LYPD8: variants seen among roughly 807,000 people sequenced by gnomAD.
LYPD8 encodes ly6/PLAUR domain-containing protein 8.
Under a neutral mutation model 1.7 loss-of-function variants are expected in LYPD8, and 8 were observed. The observed-to-expected ratio is 4.58, with a 90% CI of 2.69 to 8.27. The LOEUF (loss-of-function observed/expected upper bound fraction) is 8.27, where lower values mean the gene tolerates loss of function less well. LYPD8 is among the 30% of genes most tolerant of loss of function. LYPD8 has a pLI of 0.00. For missense variants in LYPD8, 112 were observed against 102.3 expected (o/e 1.09, Z -0.41); for synonymous variants, 50 against 43.6 (o/e 1.15, Z -0.58).
In LYPD8 at chr1:248,746,332, G is replaced by A. The variant is rs1012387674; in HGVS notation, c.338-1053C>T. Among the ~76,000 whole-genome samples the A allele has an allele frequency of 2.6e-4, 40 of 152,282 alleles. 1 individual carries two copies. The South Asian group carries it at 7.5e-3, about 28-fold the overall frequency. On this transcript the variant is annotated intron_variant, in intron 5 of 6. Coordinates refer to ENST00000590317, the MANE Select transcript of LYPD8 (RefSeq NM_001085474.2). ...ACTGACCGGAACTAAAGTCCCTCTCGCACAACTTGCAATGTCTGTCTTCAC... is the reference window on the plus strand; with the variant it reads ...ACTGACCGGAACTAAAGTCCCTCTCACACAACTTGCAATGTCTGTCTTCAC...
At chr1:248,751,970 C>T in intron 2 of LYPD8, among the ~76,000 whole-genome samples, 1 of 152,246 alleles carries the variant, frequency 6.6e-6, no homozygotes, top group East Asian at 1.9e-4. Flanking sequence ...CATTAGAATT[C>T]GAAATTAGAA....
intron 2 of LYPD8, among the ~76,000 whole-genome samples, chr1:248,754,000 C>T (rs995913854): frequency 6.8e-6 from 1 of 147,860 alleles, no homozygotes; most frequent in Non-Finnish European, 1.5e-5. Context: ...ATCACATACA[C>T]ACTGCACATA....
intron 6 of LYPD8, among the ~76,000 whole-genome samples, chr1:248,743,155 TA>T (rs562211771): frequency 4.6e-5 from 7 of 151,316 alleles, no homozygotes; most frequent in African/African-American, 1.5e-4. Context: ...AATGTGTATT[TA>T]AAAAAAAACA....
intron 6 of LYPD8, among the ~76,000 whole-genome samples, chr1:248,741,681 CT>C (rs149708729): frequency 2.9e-3 from 437 of 152,300 alleles, no homozygotes; most frequent in Non-Finnish European, 5.4e-3. Context: ...AAATCGATCC[CT>C]TTTATCAGAG....
At chr1:248,752,552 AAC>A (rs1238067820) in intron 2 of LYPD8, among the ~76,000 whole-genome samples, 4 of 138,122 alleles carry the variant, frequency 2.9e-5, no homozygotes, top group East Asian at 2.2e-4. Flanking sequence ...CACAAACACA[AAC>A]ACACCACATC....
At chr1:248,750,400 T>C in intron 4 of LYPD8, 124 bp downstream of exon 4, 1 of 395,682 alleles carries the variant, frequency 2.5e-6, no homozygotes, top group Non-Finnish European at 4.4e-6. Context: ...GTCACCTTTG[T>C]GGCTTCCTCT....
intron 6 of LYPD8, among the ~76,000 whole-genome samples, chr1:248,740,068 A>ACCGC (rs1662561607): frequency 6.6e-6 from 1 of 152,162 alleles, no homozygotes; most frequent in South Asian, 2.1e-4. Context: ...CTAGACTCCC[A>ACCGC]CCGCCACCTG....
intron 2 of LYPD8, among the ~76,000 whole-genome samples, chr1:248,753,956 A>G (rs1662883548): frequency 8.1e-6 from 1 of 123,254 alleles, no homozygotes; most frequent in East Asian, 3.5e-4. Context: ...CACATGTCAC[A>G]CACATCACAT....
chr1:248,739,677 C>T lies in LYPD8; in HGVS notation c.648G>A (p.Val216=), dbSNP rs1035328442. The T allele has an allele frequency of 1.9e-6, 3 of 1,551,688 alleles. No individual in the cohort carries two copies. In the Middle Eastern group the frequency reaches 5.0e-4, roughly 259 times the overall value. The change falls in exon 7 of 7, where the codon GTG becomes GTA. Residue 216 remains valine (V), a synonymous_variant. Coordinates refer to ENST00000590317, the MANE Select transcript of LYPD8 (RefSeq NM_001085474.2). The surrounding 1 kb of genome is among the most constrained non-coding windows in gnomAD (Gnocchi z 4.3). ...PTSAPTTSHN[V]GSKASLYLLA... Reference sequence around the variant, plus strand: ...AGAGGTAGAGGGAAGCTTTGGAGCCCACGTTGTGGGAAGTGGTTGGTGCAG... The same window carrying T: ...AGAGGTAGAGGGAAGCTTTGGAGCCTACGTTGTGGGAAGTGGTTGGTGCAG...
In LYPD8 at chr1:248,739,651, A is replaced by C; in HGVS notation, c.674T>G (p.Leu225Trp). ...CCGAAGAAGGAGGCTGGCAAGGGCC[A>C]AGAGGTAGAGGGAAGCTTTGGAGCC... ...NVGSKASLYL[L>W]ALASLLLRGL... Residue 225 changes from leucine to tryptophan, a missense_variant, in exon 7 of 7, where the codon TTG (leucine) becomes TGG (tryptophan). Physicochemically the swap from Leu to Trp is moderately conservative, Grantham distance 61 (BLOSUM62 -2). Transcript: ENST00000590317. This position sits in a 1 kb window ranked among gnomAD's most constrained non-coding sequence, Gnocchi z 4.3. 6.4e-7 allele frequency: 1 copy of C among 1,551,724 alleles called. No homozygotes were observed. Among genetic ancestry groups the C allele is most frequent in the Non-Finnish European group, 8.7e-7 (1 of 1,146,994 alleles).
intron 4 of LYPD8, among the ~76,000 whole-genome samples, chr1:248,749,904 T>C (rs1444617533): frequency 6.6e-6 from 1 of 150,686 alleles, no homozygotes; most frequent in Admixed American, 6.6e-5. Flanking sequence ...TAAAATACCA[T>C]AGCCAAAAAT....
chr1:248,752,834 A>C (rs1662834187), intron 2 of LYPD8, among the ~76,000 whole-genome samples: 2 of 91,176 alleles, frequency 2.2e-5, no homozygotes, highest in Non-Finnish European at 4.2e-5. Flanking sequence ...CACACACACC[A>C]CACCCCACAC....
rs902376797 is a variant in LYPD8, at chr1:248,745,358, G to A, written c.338-79C>T. The stretch of plus-strand genomic sequence containing the variant: ...GGAAGGGGATAGGCAAGCAAAGAAA[G>A]CACCAAAGAGATCGGAGAACGGAGC... On this transcript the variant is annotated intron_variant, in intron 5 of 6. Coordinates refer to ENST00000590317, the MANE Select transcript of LYPD8 (RefSeq NM_001085474.2). The A allele has an allele frequency of 3.3e-4, 131 of 397,146 alleles. 1 individual carries two copies. Among genetic ancestry groups the A allele is most frequent in the African/African-American group, 2.3e-3 (114 of 48,706 alleles). The allele number at this position is 397,146 out of a possible 1,614,324, so 24.6% of individuals were successfully genotyped here.
At chr1:248,753,730 A>G (rs1662876359) in intron 2 of LYPD8, among the ~76,000 whole-genome samples, 1 of 147,204 alleles carries the variant, frequency 6.8e-6, no homozygotes, top group African/African-American at 2.5e-5. Flanking sequence ...ATCACACCAC[A>G]CACACCACAG....
At position 248,739,653 on chromosome 1, in the gene LYPD8, G is replaced by C. The variant is rs1470400241; in HGVS notation, c.672C>G (p.Leu224=). ...HNVGSKASLY[L]LALASLLLRG... ...GAAGAAGGAGGCTGGCAAGGGCCAA[G>C]AGGTAGAGGGAAGCTTTGGAGCCCA... The change falls in exon 7 of 7, where the codon CTC becomes CTG. Residue 224 remains leucine, a synonymous_variant. Coordinates refer to ENST00000590317, the MANE Select transcript of LYPD8 (RefSeq NM_001085474.2). The surrounding 1 kb of genome is among the most constrained non-coding windows in gnomAD (Gnocchi z 4.3). 4 of 1,551,632 alleles carry C rather than the reference G, an allele frequency of 2.6e-6. No homozygotes were observed. Among genetic ancestry groups the C allele is most frequent in the Non-Finnish European group, 3.5e-6 (4 of 1,147,008 alleles).
intron 2 of LYPD8, among the ~76,000 whole-genome samples, chr1:248,753,613 C>G (rs1662872521): frequency 6.5e-5 from 8 of 123,652 alleles, no homozygotes; most frequent in East Asian, 3.3e-4. Flanking sequence ...ACACCACACA[C>G]CCCACACAAC....
chr1:248,746,479 C>T (rs1662727795), intron 5 of LYPD8, among the ~76,000 whole-genome samples: 1 of 152,240 alleles, frequency 6.6e-6, no homozygotes, highest in Non-Finnish European at 1.5e-5. Context: ...TTGAGATGTC[C>T]ACCCAAGGGA....
At chr1:248,753,035 ACC>A (rs1662844946) in intron 2 of LYPD8, among the ~76,000 whole-genome samples, 14 of 96,570 alleles carry the variant, frequency 1.4e-4, no homozygotes, top group Admixed American at 2.1e-4. Flanking sequence ...CACCCCACAC[ACC>A]ACACACACAT....
Position 248,742,721 on chromosome 1 carries a change from C to G in LYPD8, c.475+2421G>C, listed in dbSNP as rs546333317. 4.5e-5 allele frequency among the ~76,000 whole-genome samples: 3 copies of G among 67,048 alleles called. No individual in the cohort carries two copies. The Admixed American group carries it at 5.1e-4, about 11-fold the overall frequency. 44.0% of individuals were successfully genotyped at this position (67,048 alleles called of 152,430 possible). Reference sequence around the variant, plus strand: ...TGTTGGCAGCGGGGGAGATTATGCTCTGGTGGGGATGTTGGCAGCCGGGGA... The same window carrying G: ...TGTTGGCAGCGGGGGAGATTATGCTGTGGTGGGGATGTTGGCAGCCGGGGA... On this transcript the variant is annotated intron_variant, in intron 6 of 6. Coordinates refer to ENST00000590317, the MANE Select transcript of LYPD8 (RefSeq NM_001085474.2).
Sources: gnomAD v4.1 joint callset for allele counts (sites outside exome capture counted in the v4.1 genomes callset) on GRCh38, gnomAD v4.1.1 for gene constraint, Gnocchi (gnomAD v3.1) non-coding constraint, MANE v1.5 for transcripts, NCBI Gene and HGNC (gene_info 2026-07-23, HGNC 2026-07-21) for gene names.